The following SSPN variants were observed in gnomAD, a reference collection of about 807,000 sequenced individuals.
The protein encoded by SSPN is K-ras oncogene-associated protein.
Under a neutral mutation model 19.1 loss-of-function variants are expected in SSPN, and 15 were observed. The observed-to-expected ratio is 0.78, with a 90% CI of 0.52 to 1.21. The LOEUF (loss-of-function observed/expected upper bound fraction) is 1.21. Ranked by LOEUF, SSPN falls within the 50% of genes most tolerant of loss-of-function variation. SSPN has a pLI of 0.00. For synonymous variants in SSPN, 147 were observed against 140.3 expected (o/e 1.05, Z -0.34); for missense variants, 291 against 314.0 (o/e 0.93, Z 0.55).
At chr12:26,229,762 A>G (rs1945211154) in intron 2 of SSPN, among the ~76,000 whole-genome samples, 1 of 152,238 alleles carries the variant, frequency 6.6e-6, no homozygotes. Context: ...AGCCTTACCT[A>G]GAGTCTCAGC....
intron 1 of SSPN, among the ~76,000 whole-genome samples, chr12:26,133,903 T>C (rs1565668538): frequency 6.6e-6 from 1 of 152,240 alleles, no homozygotes; most frequent in Non-Finnish European, 1.5e-5. Flanking sequence ...TGGTGCTGAG[T>C]TGGCATCAGG....
chr12:26,166,114 G>T (rs1359824643), intron 1 of SSPN, among the ~76,000 whole-genome samples: 1 of 152,150 alleles, frequency 6.6e-6, no homozygotes, highest in Non-Finnish European at 1.5e-5. Context: ...ACACACCAGG[G>T]CCTGTCAGGG....
At chr12:26,127,088 A>G (rs542047445) in intron 1 of SSPN, among the ~76,000 whole-genome samples, 21 of 152,348 alleles carry the variant, frequency 1.4e-4, no homozygotes, top group African/African-American at 5.1e-4. Flanking sequence ...AAAAATTAAA[A>G]CACCAGGTCC....
At chr12:26,215,167 T>G (rs1945033602) in intron 1 of SSPN, among the ~76,000 whole-genome samples, 1 of 152,230 alleles carries the variant, frequency 6.6e-6, no homozygotes, top group Non-Finnish European at 1.5e-5. Context: ...AAGGTTGAGC[T>G]AAATTCTGTT....
intron 1 of SSPN, among the ~76,000 whole-genome samples, chr12:26,130,422 C>T (rs1356641577): frequency 6.6e-6 from 1 of 152,096 alleles, no homozygotes; most frequent in Non-Finnish European, 1.5e-5. Context: ...CTTCTGACTT[C>T]AAAGGTACTC....
intron 1 of SSPN, among the ~76,000 whole-genome samples, chr12:26,206,155 G>A (rs1038678467): frequency 6.6e-6 from 1 of 152,120 alleles, no homozygotes; most frequent in African/African-American, 2.4e-5. Flanking sequence ...ATCACAAAAA[G>A]CTCAGTGTCT....
intron 1 of SSPN, among the ~76,000 whole-genome samples, chr12:26,223,849 T>C (rs960559896): frequency 6.6e-6 from 1 of 152,212 alleles, no homozygotes; most frequent in Non-Finnish European, 1.5e-5. Context: ...TCAAGGACCA[T>C]TTCAAATCCG....
At chr12:26,122,479 GGGCCGCGGC>G (rs1468683243) in intron 1 of SSPN, 3 of 1,341,420 alleles carry the variant, frequency 2.2e-6, no homozygotes, top group Non-Finnish European at 2.9e-6. Context: ...AGGCAGAAGG[GGGCCGCGGC>G]GGCCGCGGGC....
intron 1 of SSPN, chr12:26,123,011 G>A (rs1565665003): frequency 1.9e-6 from 3 of 1,569,694 alleles, no homozygotes; most frequent in Non-Finnish European, 2.6e-6. Context: ...GGGTGGCCAC[G>A]GCGTGCAAGT....
chr12:26,140,850 T>G (rs1944456495), intron 1 of SSPN, among the ~76,000 whole-genome samples: 1 of 152,208 alleles, frequency 6.6e-6, no homozygotes, highest in African/African-American at 2.4e-5. Context: ...TATAGCAATG[T>G]GAGTACGAAT....
Position 26,231,918 on chromosome 12 carries a change from C to CT in SSPN, c.*844dup, listed in dbSNP as rs1277937084. Reference sequence around the variant, plus strand: ...GTCTATTTAATGAGCTCTGACTGTACTTACGCTGCACTGTCGGTGTTAAGA... The same window carrying CT: ...GTCTATTTAATGAGCTCTGACTGTACTTTACGCTGCACTGTCGGTGTTAAGA... On this transcript the variant is annotated 3_prime_UTR_variant, in exon 3 of 3. Transcript: ENST00000242729. 2.0e-6 allele frequency: 2 copies of CT among 984,598 alleles called. No individual in the cohort carries two copies. Among genetic ancestry groups the CT allele is most frequent in the East Asian group, 1.1e-4 (1 of 8,830 alleles). The allele number at this position is 984,598 out of a possible 1,614,324, so 61.0% of individuals were successfully genotyped here. A position where few individuals can be genotyped will look rare whatever the true frequency, so the allele number is the denominator to read the frequency against.
At chr12:26,192,409 A>G (rs1204505327), upstream of SSPN, among the ~76,000 whole-genome samples, 1 of 152,240 alleles carries the variant, frequency 6.6e-6, no homozygotes, top group Non-Finnish European at 1.5e-5. Context: ...AAACTCTATG[A>G]TGAGCTAGAC....
intron 1 of SSPN, among the ~76,000 whole-genome samples, chr12:26,198,931 G>A (rs958727707): frequency 6.6e-6 from 1 of 152,178 alleles, no homozygotes; most frequent in African/African-American, 2.4e-5. Context: ...CCCATCCCTG[G>A]GGCTGAGGCT....
intron 1 of SSPN, among the ~76,000 whole-genome samples, chr12:26,207,390 T>G (rs988727506): frequency 6.6e-6 from 1 of 152,184 alleles, no homozygotes; most frequent in South Asian, 2.1e-4. Context: ...TAATAATTGC[T>G]TTTTTATTAT....
intron 1 of SSPN, among the ~76,000 whole-genome samples, chr12:26,159,072 G>A (rs1944572580): frequency 6.6e-6 from 1 of 152,250 alleles, no homozygotes; most frequent in African/African-American, 2.4e-5. Context: ...TCAGGAAAGG[G>A]ACCTCTGCCC....
chr12:26,230,431 A>C (rs1352615532), intron 2 of SSPN, among the ~76,000 whole-genome samples: 1 of 152,208 alleles, frequency 6.6e-6, no homozygotes, highest in Non-Finnish European at 1.5e-5. Flanking sequence ...ATCTAGACAA[A>C]AACATTCCAC....
At chr12:26,143,869 G>T (rs1282821854) in intron 1 of SSPN, among the ~76,000 whole-genome samples, 1 of 152,148 alleles carries the variant, frequency 6.6e-6, no homozygotes, top group Non-Finnish European at 1.5e-5. Context: ...TCTCAGGGGA[G>T]TGCAAAACCC....
At chr12:26,124,543 C>T (rs751184193) in intron 1 of SSPN, 4 of 1,614,116 alleles carry the variant, frequency 2.5e-6, no homozygotes, top group Non-Finnish European at 2.5e-6. Flanking sequence ...GTTTCATGCT[C>T]CTTTTGGGTT....
chr12:26,178,520 A>G (rs1020238746), intron 1 of SSPN, among the ~76,000 whole-genome samples: 2 of 152,192 alleles, frequency 1.3e-5, no homozygotes, highest in East Asian at 3.8e-4. Flanking sequence ...AAATTCAGCT[A>G]AAGTAGAGAG....
Sources: allele counts gnomAD v4.1 joint callset (sites outside exome capture counted in the v4.1 genomes callset), GRCh38; gene constraint gnomAD v4.1.1; transcripts MANE v1.5; gene names NCBI Gene and HGNC (gene_info 2026-07-23, HGNC 2026-07-21).